The following SHISA6 variants were observed in gnomAD, a reference collection of about 807,000 sequenced individuals.
SHISA6 encodes the protein protein shisa-6.
In SHISA6, 22 loss-of-function variants were observed where a neutral mutation model predicts 47.9. The ratio of observed to expected loss-of-function variants is 0.46; its 90% CI spans 0.33 to 0.66. The LOEUF is 0.66. Ranked by LOEUF, SHISA6 falls within the 30% of genes least tolerant of loss-of-function variation. The pLI, the probability that SHISA6 is intolerant of heterozygous loss-of-function variation, is 0.02. For synonymous variants in SHISA6, 388 were observed against 337.8 expected (o/e 1.15, Z -1.63); for missense variants, 680 against 764.6 (o/e 0.89, Z 1.30).
intron 3 of SHISA6, among the ~76,000 whole-genome samples, chr17:11,454,455 T>G (rs1345912310): frequency 6.6e-6 from 1 of 152,190 alleles, no homozygotes; most frequent in Non-Finnish European, 1.5e-5. Flanking sequence ...AGCCTCCCAT[T>G]GACATCCCAT....
chr17:11,404,630 C>A (rs1176481776), intron 3 of SHISA6, among the ~76,000 whole-genome samples: 1 of 152,098 alleles, frequency 6.6e-6, no homozygotes. Context: ...CACAGGGACT[C>A]CTGAACAGGT....
At position 11,328,353 on chromosome 17, in the gene SHISA6, C is replaced by T. The variant is rs138220324; in HGVS notation, c.800-51061C>T. On this transcript the variant is annotated intron_variant, in intron 2 of 5. Transcript: ENST00000441885. ...TTGCTTTGTTTGTGGTGGGGTGATT[C>T]GGAGCCACAGCTCTGGGGCTAGCCT... Among the ~76,000 whole-genome samples the T allele has an allele frequency of 8.1e-4, 124 of 152,206 alleles. 3 individuals carry two copies. The East Asian group carries it at 0.021, about 25-fold the overall frequency.
At chr17:11,401,705 G>A (rs573699985) in intron 3 of SHISA6, among the ~76,000 whole-genome samples, 1 of 152,248 alleles carries the variant, frequency 6.6e-6, no homozygotes, top group South Asian at 2.1e-4. Context: ...GTTTATAGCC[G>A]ATATGGACAA....
chr17:11,320,170 A>C (rs1440922700), intron 2 of SHISA6, among the ~76,000 whole-genome samples: 1 of 152,252 alleles, frequency 6.6e-6, no homozygotes, highest in Non-Finnish European at 1.5e-5. Context: ...TCAATCATTT[A>C]TGTGGACATA....
At chr17:11,437,205 T>C (rs1463919511) in intron 3 of SHISA6, among the ~76,000 whole-genome samples, 1 of 152,178 alleles carries the variant, frequency 6.6e-6, no homozygotes, top group African/African-American at 2.4e-5. Flanking sequence ...AGAATCTAAT[T>C]GATGCCCTGA....
chr17:11,457,780 T>C (rs1230462563), intron 3 of SHISA6, among the ~76,000 whole-genome samples: 2 of 137,512 alleles, frequency 1.5e-5, no homozygotes, highest in African/African-American at 5.5e-5. Flanking sequence ...GATAGATGCC[T>C]TCCATAAAAA....
chr17:11,469,018 CAAAAAAAAAAAAAAA>C (rs61191316), intron 3 of SHISA6, among the ~76,000 whole-genome samples: 6 of 46,070 alleles, frequency 1.3e-4, no homozygotes, highest in Non-Finnish European at 1.9e-4. Flanking sequence ...GACTCCGTCT[CAAAAAAAAAAAAAAA>C]AAAAAAAAAA....
intron 2 of SHISA6, among the ~76,000 whole-genome samples, chr17:11,303,986 T>C (rs1910017894): frequency 6.6e-6 from 1 of 152,158 alleles, no homozygotes; most frequent in Admixed American, 6.5e-5. Context: ...CGGCTCCATA[T>C]CCAGGAGCAG....
At position 11,559,435 on chromosome 17, in the gene SHISA6, A is replaced by T. The variant is rs1204337510; in HGVS notation, c.*1131A>T. 2 of 152,384 alleles carry T rather than the reference A, an allele frequency of 1.3e-5. No individual in the cohort carries two copies. Among genetic ancestry groups the T allele is most frequent in the African/African-American group, 2.4e-5 (1 of 41,442 alleles). The allele number at this position is 152,384 out of a possible 1,614,324, so 9.4% of individuals were successfully genotyped here. ...GCAGCTTTTCAGCCCCCAGACAAGG[A>T]GGATGAGAGGTGGTTGTCCTGCATC... On this transcript the variant is annotated 3_prime_UTR_variant, in exon 6 of 6. Transcript: ENST00000441885. This position sits in a 1 kb window ranked among gnomAD's most constrained non-coding sequence, Gnocchi z 4.4.
intron 3 of SHISA6, among the ~76,000 whole-genome samples, chr17:11,499,073 C>T (rs2092530413): frequency 6.6e-6 from 1 of 152,160 alleles, no homozygotes; most frequent in South Asian, 2.1e-4. Flanking sequence ...ACCCTCAGCA[C>T]GTGGACTGGC....
intron 2 of SHISA6, among the ~76,000 whole-genome samples, chr17:11,313,205 A>C (rs1294463563): frequency 6.6e-6 from 1 of 152,192 alleles, no homozygotes; most frequent in Non-Finnish European, 1.5e-5. Flanking sequence ...ACCTCTCTCT[A>C]TAACTTCAGT....
intron 3 of SHISA6, among the ~76,000 whole-genome samples, chr17:11,487,474 CAA>C: frequency 6.6e-6 from 1 of 152,258 alleles, no homozygotes; most frequent in South Asian, 2.1e-4. Flanking sequence ...AAAGTGGGGA[CAA>C]GAGTCAGACC....
At chr17:11,464,847 CAGA>C (rs1915771275) in intron 3 of SHISA6, among the ~76,000 whole-genome samples, 1 of 151,258 alleles carries the variant, frequency 6.6e-6, no homozygotes, top group African/African-American at 2.4e-5. Flanking sequence ...GAGGCTGAGG[CAGA>C]AGAATTGCTT....
rs979265246 is a variant in SHISA6 at position 11,561,372 on chromosome 17, T to C, written c.*3068T>C. ...CCCTGAAAGTTCTGCCTGGTTTCCT[T>C]GGCCTCTGATGGCATTGAAGCTTTC... On this transcript the variant is annotated 3_prime_UTR_variant, in exon 6 of 6. Transcript: ENST00000441885. The C allele has an allele frequency of 7.2e-5, 11 of 152,418 alleles. No individual in the cohort carries two copies. The highest frequency in any genetic ancestry group is 2.7e-4 in the African/African-American group (11 of 41,456). The allele number at this position is 152,418 out of a possible 1,614,324, so 9.4% of individuals were successfully genotyped here. A position where few individuals can be genotyped will look rare whatever the true frequency, so the allele number is the denominator to read the frequency against.
chr17:11,540,411 C>T (rs1205098427), intron 3 of SHISA6, among the ~76,000 whole-genome samples: 2 of 152,158 alleles, frequency 1.3e-5, no homozygotes, highest in Admixed American at 6.5e-5. Context: ...GGCTATGTCT[C>T]TCAACTAAAG....
At chr17:11,320,066 A>T (rs570727320) in intron 2 of SHISA6, among the ~76,000 whole-genome samples, 1 of 152,352 alleles carries the variant, frequency 6.6e-6, no homozygotes. Context: ...GATAGTAAAT[A>T]CTTCATGTTT....
chr17:11,398,259 T>C (rs1913641978), intron 3 of SHISA6, among the ~76,000 whole-genome samples: 1 of 152,218 alleles, frequency 6.6e-6, no homozygotes, highest in Admixed American at 6.5e-5. Context: ...TATTCGTATT[T>C]TAAAAAGGCA....
At chr17:11,325,176 T>A (rs1910836010) in intron 2 of SHISA6, among the ~76,000 whole-genome samples, 1 of 152,118 alleles carries the variant, frequency 6.6e-6, no homozygotes. Context: ...TGGGGGCACA[T>A]CCAGGCGGGC....
chr17:11,449,479 T>A (rs949203285), intron 3 of SHISA6, among the ~76,000 whole-genome samples: 2 of 150,664 alleles, frequency 1.3e-5, no homozygotes, highest in East Asian at 2.0e-4. Flanking sequence ...AAGAAAAAAA[T>A]TGAGGCTTGG....
Sources: allele counts gnomAD v4.1 joint callset (sites outside exome capture counted in the v4.1 genomes callset), GRCh38; gene constraint gnomAD v4.1.1; non-coding constraint Gnocchi (gnomAD v3.1); transcripts MANE v1.5; gene names NCBI Gene and HGNC (gene_info 2026-07-23, HGNC 2026-07-21).